The following CEP135 variants were observed in gnomAD, a reference collection of about 807,000 sequenced individuals.
The protein encoded by CEP135 is centrosomal protein of 135 kDa.
CEP135 carries 142 observed loss-of-function variants against 157.3 expected under a neutral mutation model. The ratio of observed to expected loss-of-function variants is 0.90; its 90% confidence interval spans 0.79 to 1.04. CEP135 has a LOEUF of 1.04. Ranked by LOEUF, CEP135 falls within the 50% of genes least tolerant of loss-of-function variation. CEP135 has a pLI of 0.00. For synonymous variants in CEP135, 396 were observed against 439.8 expected, an observed-to-expected ratio of 0.90 and a Z score of 1.25; for missense variants, 1,317 against 1,309.2, an observed-to-expected ratio of 1.01 and a Z score of -0.09.
chr4:56,016,472 G>T (rs1730775703), intron 21 of CEP135, among the ~76,000 whole-genome samples: 1 of 151,888 alleles, frequency 6.6e-6, no homozygotes, highest in African/African-American at 2.4e-5. Context: ...CAATTATTTT[G>T]TTCTTTATTA....
At chr4:55,981,135 T>C in intron 12 of CEP135, 92 bp from the exon 13 acceptor site, 2 of 1,160,906 alleles carry the variant, frequency 1.7e-6, no homozygotes, top group Non-Finnish European at 2.4e-6. Flanking sequence ...GTGTTCAGTA[T>C]GCCTTTTTTA....
At chr4:55,971,229 A>G (rs777320698) in intron 9 of CEP135, 41 bp from the exon 10 acceptor site, 33 of 1,459,812 alleles carry the variant, frequency 2.3e-5, no homozygotes, top group South Asian at 1.8e-4. Context: ...AATATTTTAT[A>G]AAGTTGTTAG....
At position 55,999,615 on chromosome 4, in the gene CEP135, T is replaced by A. The variant is rs1730093670; in HGVS notation, c.2250T>A (p.Ile750=). The A allele has an allele frequency of 2.5e-6, 4 of 1,596,152 alleles. No individual in the cohort carries two copies. Among genetic ancestry groups the A allele is most frequent in the Non-Finnish European group, 2.6e-6 (3 of 1,176,138 alleles). ...CTGTAGATGAGAAGACAGAAAAGAT[T>A]GCAAATTTGCAAGAAAACCTAGCTA... ...QETVDEKTEK[I]ANLQENLANK... The change falls in exon 17 of 26, where the codon ATT becomes ATA. Residue 750 remains isoleucine (I), a synonymous_variant. Coordinates refer to ENST00000257287, the MANE Select transcript of CEP135 (RefSeq NM_025009.5).
chr4:55,999,264 T>G (rs769809797), intron 15 of CEP135, 38 bp from the exon 16 acceptor site: 63 of 1,439,206 alleles, frequency 4.4e-5, no homozygotes, highest in Non-Finnish European at 5.8e-5. Flanking sequence ...CTATGAGAGA[T>G]AAAGAATACC....
chr4:55,972,783 G>A (rs955545056), intron 10 of CEP135, among the ~76,000 whole-genome samples: 3 of 152,160 alleles, frequency 2.0e-5, no homozygotes, highest in Non-Finnish European at 2.9e-5. Flanking sequence ...TGTAATCCCA[G>A]CACTTTGGGA....
intron 17 of CEP135, among the ~76,000 whole-genome samples, chr4:56,003,043 A>G (rs577038992): frequency 6.6e-6 from 1 of 151,386 alleles, no homozygotes; most frequent in South Asian, 2.1e-4. Context: ...GATTCCTTGT[A>G]TTTTCTGTGG....
chr4:55,962,398 C>T (rs1434971721), intron 6 of CEP135, among the ~76,000 whole-genome samples: 1 of 152,128 alleles, frequency 6.6e-6, no homozygotes, highest in Non-Finnish European at 1.5e-5. Flanking sequence ...CTATGCCCGG[C>T]CAAAAAACTC....
Position 56,032,218 on chromosome 4 carries a change from G to C in CEP135, c.*870G>C, listed in dbSNP as rs181987145. On this transcript the variant is annotated 3_prime_UTR_variant, in exon 26 of 26. Transcript: ENST00000257287. ...CCAGCACTTTGGGAGGCCGAGGCGA[G>C]TGGATTTCCTAAGGTCAGGAGTTTG... The C allele has an allele frequency of 6.6e-6, 1 of 152,300 alleles. No homozygotes were observed. The highest frequency in any genetic ancestry group is 1.9e-4 in the East Asian group (1 of 5,194). The allele number at this position is 152,300 out of a possible 1,614,324, so 9.4% of individuals were successfully genotyped here.
At chr4:56,005,725 A>G (rs1311508843) in intron 17 of CEP135, among the ~76,000 whole-genome samples, 1 of 152,094 alleles carries the variant, frequency 6.6e-6, no homozygotes, top group Non-Finnish European at 1.5e-5. Context: ...TTTGCACGTT[A>G]GTTTTTTTCT....
chr4:56,023,343 G>A (rs1242292697), intron 24 of CEP135, among the ~76,000 whole-genome samples: 1 of 152,094 alleles, frequency 6.6e-6, no homozygotes, highest in African/African-American at 2.4e-5. Context: ...ACCAGAAGAT[G>A]TAGTGTCATG....
At chr4:56,016,426 A>T (rs1386257610) in intron 21 of CEP135, among the ~76,000 whole-genome samples, 1 of 152,302 alleles carries the variant, frequency 6.6e-6, no homozygotes, top group East Asian at 1.9e-4. Context: ...TTCAACCTTC[A>T]AAAGAGTTTT....
chr4:55,998,949 C>T (rs1730067276), intron 15 of CEP135, among the ~76,000 whole-genome samples: 1 of 152,134 alleles, frequency 6.6e-6, no homozygotes, highest in Non-Finnish European at 1.5e-5. Flanking sequence ...ACTGTAAGAA[C>T]AGGATTTTTC....
chr4:55,961,764 T>TAAAA lies in CEP135; in HGVS notation c.699+2026_699+2029dup, dbSNP rs564116620. 1.7e-3 allele frequency among the ~76,000 whole-genome samples: 90 copies of TAAAA among 54,202 alleles called. 5 individuals are homozygous for TAAAA. Among genetic ancestry groups the TAAAA allele is most frequent in the African/African-American group, 3.8e-3 (49 of 12,922 alleles). The allele number at this position is 54,202 out of a possible 152,430, so 35.6% of individuals were successfully genotyped here. ...GGGCAACAAGAGCGAAAACTCTGTC[T>TAAAA]AAAAAAAAAAAAAAAAAAAAAAAAA... is the stretch of plus-strand genomic sequence containing the variant. On this transcript the variant is annotated intron_variant, in intron 6 of 25. Transcript: ENST00000257287.
rs577443051 is a variant in CEP135, at chr4:55,964,070, T to C, written c.700-204T>C. Among the ~76,000 whole-genome samples the C allele has an allele frequency of 2.1e-3, 327 of 152,368 alleles. 1 individual carries two copies. The highest frequency in any genetic ancestry group is 4.2e-3 in the Non-Finnish European group (287 of 68,028). On this transcript the variant is annotated intron_variant, in intron 6 of 25. Coordinates refer to ENST00000257287, the MANE Select transcript of CEP135 (RefSeq NM_025009.5). ...GTAGTAAAAATACATATGAAAGATA[T>C]AGTGACAGCATGTCTGTTGACATTT...
intron 22 of CEP135, among the ~76,000 whole-genome samples, chr4:56,018,373 G>A (rs147590800): frequency 6.6e-6 from 1 of 152,130 alleles, no homozygotes; most frequent in African/African-American, 2.4e-5. Context: ...GATGAAAGTG[G>A]GTAATGTTTT....
chr4:56,023,190 T>G (rs1178169699), intron 24 of CEP135, among the ~76,000 whole-genome samples: 1 of 151,548 alleles, frequency 6.6e-6, no homozygotes, highest in Non-Finnish European at 1.5e-5. Flanking sequence ...CCACTGCACT[T>G]GAGTCTGGGC....
chr4:56,027,557 A>T (rs1417810474), intron 25 of CEP135, among the ~76,000 whole-genome samples: 2 of 152,202 alleles, frequency 1.3e-5, no homozygotes, highest in Non-Finnish European at 2.9e-5. Context: ...AATAGGCTTG[A>T]CCTTGTAGAG....
At chr4:56,017,220 G>A (rs139474357) in intron 21 of CEP135, among the ~76,000 whole-genome samples, 331 of 152,014 alleles carry the variant, frequency 2.2e-3, no homozygotes, top group African/African-American at 7.5e-3. Context: ...TAGTTTTGAA[G>A]TAAACCCCAT....
chr4:55,984,202 C>T (rs1011662528), intron 13 of CEP135, among the ~76,000 whole-genome samples: 1 of 152,176 alleles, frequency 6.6e-6, no homozygotes, highest in Non-Finnish European at 1.5e-5. Context: ...AGCCTCTTTC[C>T]TCTAAACTCA....
Sources: allele counts gnomAD v4.1 joint callset (sites outside exome capture counted in the v4.1 genomes callset), GRCh38; gene constraint gnomAD v4.1.1; transcripts MANE v1.5; gene names NCBI Gene and HGNC (gene_info 2026-07-23, HGNC 2026-07-21).